The following MFSD6 variants were observed in gnomAD, a reference collection of about 807,000 sequenced individuals.
MFSD6 encodes major facilitator superfamily domain-containing protein 6.
A neutral mutation model predicts 56.3 loss-of-function variants in MFSD6; 26 were observed. That is an observed-to-expected ratio of 0.46 (90% CI 0.34 to 0.64). MFSD6 has a LOEUF of 0.64. MFSD6 is among the 30% of genes least tolerant of loss of function. The probability of loss-of-function intolerance (pLI) is 0.01; values close to 1 mark genes in which losing one functional copy is unlikely to be tolerated. For synonymous variants in MFSD6, 331 were observed against 366.9 expected, an observed-to-expected ratio of 0.90 and a Z score of 1.12; for missense variants, 750 against 986.2, an observed-to-expected ratio of 0.76 and a Z score of 3.21.
At chr2:190,442,837 G>A (rs890658017) in intron 3 of MFSD6, 4 of 152,216 alleles carry the variant, frequency 2.6e-5, no homozygotes, top group South Asian at 2.1e-4. Flanking sequence ...AGGTTAGGAC[G>A]GGATGCAGAT....
chr2:190,445,229 C>G (rs569636427), intron 3 of MFSD6, among the ~76,000 whole-genome samples: 1 of 152,062 alleles, frequency 6.6e-6, no homozygotes, highest in Non-Finnish European at 1.5e-5. Context: ...GCAAAGCACT[C>G]AGAATGGAGT....
chr2:190,437,047 C>T lies in MFSD6; in HGVS notation c.1018C>T (p.Leu340=), dbSNP rs1402298389. 6.2e-7 allele frequency: 1 copy of T among 1,614,212 alleles called. No individual in the cohort carries two copies. The highest frequency in any genetic ancestry group is 8.5e-7 in the Non-Finnish European group (1 of 1,180,036). ...CTCCCTGGGCTGGGGCCTGGCGATG[C>T]TGTCTGTGGGCATCGGGATCGACTA... ...WGSLGWGLAM[L]SVGIGIDYTH... Residue 340 remains leucine, a synonymous_variant, in exon 3 of 8, where the codon CTG becomes TTG. Transcript: ENST00000392328. The surrounding 1 kb of genome is among the most constrained non-coding windows in gnomAD (Gnocchi z 5.9).
chr2:190,471,542 G>T lies in MFSD6; in HGVS notation c.1630+1687G>T, dbSNP rs1687930270. Among the ~76,000 whole-genome samples the T allele has an allele frequency of 1.3e-5, 2 of 152,346 alleles. No homozygotes were observed. The highest frequency in any genetic ancestry group is 4.1e-4 in the South Asian group (2 of 4,828). ...CTGCAAGGCGGCAGTGAGGCTGGGG[G>T]AGGGGCACCCGCCATTGCTGAGGCT... On this transcript the variant is annotated intron_variant, in intron 4 of 7. Coordinates refer to ENST00000392328, the MANE Select transcript of MFSD6 (RefSeq NM_017694.4). The surrounding 1 kb of genome is among the most constrained non-coding windows in gnomAD (Gnocchi z 4.7).
In MFSD6 at chr2:190,438,215, T is replaced by TAA. The variant is rs11379456; in HGVS notation, c.1532+664_1532+665dup. ...ATTTCCCATGTAATTCTTTTAGTTA[T>TAA]AAAAAAAAAAATCTATAGGCTGGGC... On this transcript the variant is annotated intron_variant, in intron 3 of 7. Transcript: ENST00000392328. The surrounding 1 kb of genome is among the most constrained non-coding windows in gnomAD (Gnocchi z 5.2). Among the ~76,000 whole-genome samples, 2,584 of 148,952 alleles carry TAA rather than the reference T, an allele frequency of 0.017. 54 individuals carry two copies. The highest frequency in any genetic ancestry group is 0.046 in the African/African-American group (1,857 of 40,792).
In MFSD6 at chr2:190,438,760, A is replaced by C. The variant is rs895715954; in HGVS notation, c.1532+1199A>C. On this transcript the variant is annotated intron_variant, in intron 3 of 7. Coordinates refer to ENST00000392328, the MANE Select transcript of MFSD6 (RefSeq NM_017694.4). This position sits in a 1 kb window ranked among gnomAD's most constrained non-coding sequence, Gnocchi z 5.2. ...TATTTAAATCTGCTATTTCTATAAG[A>C]AATTAAAGAGGAGAAATAGACAATG... Among the ~76,000 whole-genome samples, 1 of 152,254 alleles carries C rather than the reference A, an allele frequency of 6.6e-6. No homozygotes were observed. Among genetic ancestry groups the C allele is most frequent in the African/African-American group, 2.4e-5 (1 of 41,456 alleles).
rs1308098823 is a variant in MFSD6, at chr2:190,469,342, A to G, written c.1533-416A>G. ...TCTCATTTTTATCCTTCCTTCCCCC[A>G]TTGTAGTGAAGTGGTTACAATCCCA... On this transcript the variant is annotated intron_variant, in intron 3 of 7. Transcript: ENST00000392328. This position sits in a 1 kb window ranked among gnomAD's most constrained non-coding sequence, Gnocchi z 5.3. 6.6e-6 allele frequency among the ~76,000 whole-genome samples: 1 copy of G among 152,046 alleles called. No individual in the cohort carries two copies. The highest frequency in any genetic ancestry group is 2.4e-5 in the African/African-American group (1 of 41,394).
At position 190,467,399 on chromosome 2, in the gene MFSD6, G is replaced by A. The variant is rs1421552267; in HGVS notation, c.1533-2359G>A. Among the ~76,000 whole-genome samples, 1 of 152,174 alleles carries A rather than the reference G, an allele frequency of 6.6e-6. No homozygotes were observed. The highest frequency in any genetic ancestry group is 2.4e-5 in the African/African-American group (1 of 41,428). ...AGGCCGAGGTGGGCGGACTACCTGA[G>A]GTCAGGAGTTTGAGACCAGCCTGGC... On this transcript the variant is annotated intron_variant, in intron 3 of 7. Coordinates refer to ENST00000392328, the MANE Select transcript of MFSD6 (RefSeq NM_017694.4). This position sits in a 1 kb window ranked among gnomAD's most constrained non-coding sequence, Gnocchi z 5.5.
rs983658363 is a variant in MFSD6, at chr2:190,426,264, A to C, written c.-53-9713A>C. On this transcript the variant is annotated intron_variant, in intron 2 of 7. Transcript: ENST00000392328. This position sits in a 1 kb window ranked among gnomAD's most constrained non-coding sequence, Gnocchi z 4.7. ...TATTTTCTCTCTGTTCAGATTGTGTAATTCCTATTGTTCTGTATCCCAATT... is the reference window on the plus strand; with the variant it reads ...TATTTTCTCTCTGTTCAGATTGTGTCATTCCTATTGTTCTGTATCCCAATT... Among the ~76,000 whole-genome samples the C allele has an allele frequency of 1.3e-5, 2 of 152,058 alleles. No homozygotes were observed. Among genetic ancestry groups the C allele is most frequent in the Non-Finnish European group, 2.9e-5 (2 of 68,002 alleles).
rs56676240 is a variant in MFSD6, at chr2:190,454,932, GTATGTATATGTATATGTA to G, written c.1533-14775_1533-14758del. Among the ~76,000 whole-genome samples, 3,432 of 132,870 alleles carry G rather than the reference GTATGTATATGTATATGTA, an allele frequency of 0.026. 89 individuals carry two copies. Among genetic ancestry groups the G allele is most frequent in the African/African-American group, 0.062 (2,060 of 33,340 alleles). The allele number at this position is 132,870 out of a possible 152,430, so 87.2% of individuals were successfully genotyped here. ...GTATGTATATGTGTTCCTGGTTTCT[GTATGTATATGTATATGTA>G]TATGTATATGTATATGTATATGTAT... On this transcript the variant is annotated intron_variant, in intron 3 of 7. Transcript: ENST00000392328. This position sits in a 1 kb window ranked among gnomAD's most constrained non-coding sequence, Gnocchi z 4.6.
In MFSD6 at chr2:190,499,912, G is replaced by A. The variant is rs563974489; in HGVS notation, c.2173-103G>A. On this transcript the variant is annotated intron_variant, in intron 7 of 7. Coordinates refer to ENST00000392328, the MANE Select transcript of MFSD6 (RefSeq NM_017694.4). The surrounding 1 kb of genome is among the most constrained non-coding windows in gnomAD (Gnocchi z 6.0). Reference sequence around the variant, plus strand: ...CTTGGTCCCTGAAATGGGCACTTCCGGATGATCTCCCCATGTTTCCTGTCT... The same window carrying A: ...CTTGGTCCCTGAAATGGGCACTTCCAGATGATCTCCCCATGTTTCCTGTCT... 26 of 1,579,484 alleles carry A rather than the reference G, an allele frequency of 1.6e-5. No individual in the cohort carries two copies. In the Admixed American group the frequency reaches 2.0e-4, roughly 12 times the overall value.
In MFSD6 at chr2:190,436,781, C is replaced by T; in HGVS notation, c.752C>T (p.Ser251Phe). 3 of 1,614,178 alleles carry T rather than the reference C, an allele frequency of 1.9e-6. No homozygotes were observed. Among genetic ancestry groups the T allele is most frequent in the Non-Finnish European group, 1.7e-6 (2 of 1,180,036 alleles). ...TLNSSTATPV[S>F]PGSVTKETTT... is the part of the protein sequence containing the mutation. ...AACTCAAGCACAGCAACCCCTGTCTCCCCAGGAAGCGTAACCAAGGAGACA... is the reference window on the plus strand; with the variant it reads ...AACTCAAGCACAGCAACCCCTGTCTTCCCAGGAAGCGTAACCAAGGAGACA... Residue 251 changes from serine (S) to phenylalanine (F), a missense_variant, in exon 3 of 8, where the codon TCC (serine) becomes TTC (phenylalanine). By Grantham distance (155) the Ser-to-Phe change is radical (BLOSUM62 -2). Around this residue, in one of 5 missense-constraint regions of MFSD6, gnomAD observed 376 missense variants for 437.9 expected, o/e 0.86. Transcript: ENST00000392328. This position sits in a 1 kb window ranked among gnomAD's most constrained non-coding sequence, Gnocchi z 5.3.
At position 190,424,554 on chromosome 2, in the gene MFSD6, C is replaced by T. The variant is rs765534462; in HGVS notation, c.-54+9141C>T. ...TTCTCCATGTTGGTCAGGATGGTCT[C>T]GAACTCCTGACCTCAGGTGATCCGT... On this transcript the variant is annotated intron_variant, in intron 2 of 7. Coordinates refer to ENST00000392328, the MANE Select transcript of MFSD6 (RefSeq NM_017694.4). The surrounding 1 kb of genome is among the most constrained non-coding windows in gnomAD (Gnocchi z 5.9). Among the ~76,000 whole-genome samples the T allele has an allele frequency of 2.0e-5, 3 of 152,076 alleles. No homozygotes were observed. The highest frequency in any genetic ancestry group is 4.4e-5 in the Non-Finnish European group (3 of 68,034).
intron 3 of MFSD6, among the ~76,000 whole-genome samples, chr2:190,448,173 T>A (rs1686651287): frequency 6.6e-6 from 1 of 152,170 alleles, no homozygotes; most frequent in Non-Finnish European, 1.5e-5. Flanking sequence ...ATGGTCAAAG[T>A]GTATGGTAGA....
intron 4 of MFSD6, among the ~76,000 whole-genome samples, chr2:190,483,040 T>C (rs931441128): frequency 1.0e-3 from 151 of 151,026 alleles, no homozygotes; most frequent in African/African-American, 3.4e-3. Context: ...TACAGGCGCC[T>C]GCCACCGCGC....
intron 4 of MFSD6, among the ~76,000 whole-genome samples, chr2:190,482,331 T>G (rs1350157613): frequency 1.3e-5 from 2 of 152,054 alleles, no homozygotes; most frequent in African/African-American, 4.8e-5. Context: ...GCCTGCCCAA[T>G]GGAGGCCTTT....
chr2:190,430,359 G>A (rs13020324), intron 2 of MFSD6, among the ~76,000 whole-genome samples: 67,151 of 149,326 alleles, frequency 0.45, 15,513 homozygotes, highest in Admixed American at 0.6. Flanking sequence ...GCGGCCTTCC[G>A]CAGTGTTTGT....
intron 2 of MFSD6, among the ~76,000 whole-genome samples, chr2:190,422,566 A>G (rs995905251): frequency 7.2e-5 from 11 of 152,210 alleles, no homozygotes; most frequent in African/African-American, 2.7e-4. Flanking sequence ...TTGTTGAGAT[A>G]TCTGAAGCCA....
In MFSD6 at chr2:190,436,915, A is replaced by G. The variant is rs750141437; in HGVS notation, c.886A>G (p.Ile296Val). The G allele has an allele frequency of 1.9e-5, 31 of 1,614,108 alleles. No homozygotes were observed. In the East Asian group the frequency reaches 6.2e-4, roughly 32 times the overall value. ...ATTCTTGGTGATCTTGGTAGTTGTCATAATAGGAGAATTTTTCAGTGCCTC... is the reference window on the plus strand; with the variant it reads ...ATTCTTGGTGATCTTGGTAGTTGTCGTAATAGGAGAATTTTTCAGTGCCTC... ...AIFLVILVVVIIGEFFSASSV... is the reference protein window; with the variant it reads ...AIFLVILVVVVIGEFFSASSV... Residue 296 changes from isoleucine to valine, a missense_variant, in exon 3 of 8, where the codon ATA becomes GTA. Coordinates refer to ENST00000392328, the MANE Select transcript of MFSD6 (RefSeq NM_017694.4). This position sits in a 1 kb window ranked among gnomAD's most constrained non-coding sequence, Gnocchi z 5.3.
rs2028433 is a variant in MFSD6 at position 190,417,268 on chromosome 2, G to A, written c.-54+1855G>A. On this transcript the variant is annotated intron_variant, in intron 2 of 7. Coordinates refer to ENST00000392328, the MANE Select transcript of MFSD6 (RefSeq NM_017694.4). This position sits in a 1 kb window ranked among gnomAD's most constrained non-coding sequence, Gnocchi z 5.7. ...GGACTTCAGTACTGGATCATTAGCG[G>A]TAAGATCAGCACACCAAAATAAAAG... Among the ~76,000 whole-genome samples the A allele has an allele frequency of 1, 151,633 of 152,306 alleles. 75,485 individuals are homozygous for A. The highest frequency in any genetic ancestry group is 1 in the Middle Eastern group (294 of 294).
Sources: allele counts gnomAD v4.1 joint callset (sites outside exome capture counted in the v4.1 genomes callset), GRCh38; gene constraint gnomAD v4.1.1; regional missense constraint gnomAD v4.1.1; non-coding constraint Gnocchi (gnomAD v3.1); transcripts MANE v1.5; gene names NCBI Gene and HGNC (gene_info 2026-07-23, HGNC 2026-07-21).